HTR4: variants seen among roughly 807,000 people sequenced by gnomAD.
HTR4 encodes 5-hydroxytryptamine receptor 4, also known as 5-hydroxytryptamine (serotonin) receptor 4, G protein-coupled.
Under a neutral mutation model 36.8 loss-of-function variants are expected in HTR4, and 16 were observed. The observed-to-expected ratio is 0.43, with a 90% CI of 0.29 to 0.66. The LOEUF (loss-of-function observed/expected upper bound fraction) is 0.66, where lower values mean the gene tolerates loss of function less well. Among genes scored for constraint, HTR4 ranks in the 30% least tolerant of loss-of-function variants. The pLI, the probability that HTR4 is intolerant of heterozygous loss-of-function variation, is 0.13. For synonymous variants in HTR4, 189 were observed against 185.1 expected (o/e 1.02, Z -0.17); for missense variants, 438 against 490.9 (o/e 0.89, Z 1.02).
In HTR4 at chr5:148,483,129, G is replaced by A. The variant is rs200215537; in HGVS notation, c.*74C>T. 163 of 1,604,606 alleles carry A rather than the reference G, an allele frequency of 1.0e-4. 1 individual carries two copies. The highest frequency in any genetic ancestry group is 6.8e-4 in the African/African-American group (51 of 74,808). ...GGTGAAGAGAATACCGGGTGCAGTCGCGCACAAGCAGCAGCTTAGGACCTG... is the reference window on the plus strand; with the variant it reads ...GGTGAAGAGAATACCGGGTGCAGTCACGCACAAGCAGCAGCTTAGGACCTG... On this transcript the variant is annotated 3_prime_UTR_variant, in exon 7 of 7. Transcript: ENST00000377888.
chr5:148,569,500 T>C (rs1760588270), intron 2 of HTR4, among the ~76,000 whole-genome samples: 2 of 152,112 alleles, frequency 1.3e-5, no homozygotes, highest in South Asian at 4.1e-4. Flanking sequence ...GCATGTATCC[T>C]GGAACTTAAA....
chr5:148,537,178 C>A (rs1758865835), intron 4 of HTR4, among the ~76,000 whole-genome samples: 1 of 152,090 alleles, frequency 6.6e-6, no homozygotes, highest in South Asian at 2.1e-4. Context: ...TCAAGAAGTT[C>A]TTTGAAACTA....
downstream of HTR4, chr5:148,476,708 C>T (rs78822999): frequency 5.6e-3 from 9,036 of 1,610,388 alleles, 542 homozygotes; most frequent in East Asian, 0.14. Context: ...AAAAAATGAG[C>T]AATAAGAATT....
intron 5 of HTR4, among the ~76,000 whole-genome samples, chr5:148,467,175 T>C (rs1381679425): frequency 6.6e-6 from 1 of 152,170 alleles, no homozygotes; most frequent in Non-Finnish European, 1.5e-5. Flanking sequence ...TCACTCTTGA[T>C]CTCCCACAAT....
intron 4 of HTR4, among the ~76,000 whole-genome samples, chr5:148,529,146 A>G (rs939781803): frequency 2.0e-5 from 3 of 152,064 alleles, no homozygotes; most frequent in African/African-American, 7.2e-5. Flanking sequence ...GAGCCAGGAC[A>G]TAAACCTCCT....
intron 2 of HTR4, among the ~76,000 whole-genome samples, chr5:148,611,764 T>G (rs993284058): frequency 1.3e-5 from 2 of 151,778 alleles, no homozygotes; most frequent in African/African-American, 2.4e-5. Flanking sequence ...CCCATCAGTG[T>G]GCTGTATTCA....
At chr5:148,614,984 C>A (rs935542293) in intron 2 of HTR4, among the ~76,000 whole-genome samples, 2 of 152,048 alleles carry the variant, frequency 1.3e-5, no homozygotes, top group South Asian at 2.1e-4. Context: ...CAATGAGATA[C>A]CATCTCACAC....
chr5:148,590,040 C>A (rs1353697887), intron 2 of HTR4, among the ~76,000 whole-genome samples: 1 of 152,064 alleles, frequency 6.6e-6, no homozygotes, highest in East Asian at 1.9e-4. Context: ...CCATTTCACT[C>A]TCTGCTTCTA....
intron 5 of HTR4, among the ~76,000 whole-genome samples, chr5:148,456,204 C>T (rs1164832056): frequency 6.6e-6 from 1 of 152,120 alleles, no homozygotes; most frequent in Non-Finnish European, 1.5e-5. Context: ...ATTCCCAAGT[C>T]TGCATGATTC....
At chr5:148,561,783 T>C (rs146019295) in intron 2 of HTR4, among the ~76,000 whole-genome samples, 195 of 152,198 alleles carry the variant, frequency 1.3e-3, no homozygotes, top group African/African-American at 4.4e-3. Context: ...AGGGAAAAAA[T>C]GTGGACCACA....
At chr5:148,531,469 G>A (rs949709812) in intron 4 of HTR4, among the ~76,000 whole-genome samples, 1 of 152,150 alleles carries the variant, frequency 6.6e-6, no homozygotes, top group Non-Finnish European at 1.5e-5. Context: ...TGCCATGATT[G>A]TGAGTCCTCC....
chr5:148,547,609 T>G (rs899306046), intron 4 of HTR4, among the ~76,000 whole-genome samples: 40 of 151,262 alleles, frequency 2.6e-4, no homozygotes, highest in African/African-American at 8.7e-4. Flanking sequence ...AAAACAGTGA[T>G]TGTCTGAGCA....
chr5:148,476,513 G>A, downstream of HTR4: 1 of 1,238,096 alleles, frequency 8.1e-7, no homozygotes, highest in Non-Finnish European at 1.0e-6. Context: ...GAAGGCTGCA[G>A]CTTTTGAAGT....
At chr5:148,521,336 G>A (rs1023538074) in intron 5 of HTR4, among the ~76,000 whole-genome samples, 18 of 152,142 alleles carry the variant, frequency 1.2e-4, no homozygotes, top group Non-Finnish European at 2.1e-4. Flanking sequence ...GGAAATTTTT[G>A]GATGAGATTA....
intron 6 of HTR4, among the ~76,000 whole-genome samples, chr5:148,503,171 A>G (rs1182534619): frequency 6.6e-6 from 1 of 152,190 alleles, no homozygotes; most frequent in East Asian, 1.9e-4. Context: ...GAGAAGAGCA[A>G]CTCCAAGACA....
At chr5:148,577,545 T>C (rs1306939735) in intron 2 of HTR4, among the ~76,000 whole-genome samples, 2 of 152,116 alleles carry the variant, frequency 1.3e-5, no homozygotes, top group African/African-American at 2.4e-5. Flanking sequence ...CCATTCATAA[T>C]AGCAAAGACA....
chr5:148,578,574 G>T (rs1285528525), intron 2 of HTR4, among the ~76,000 whole-genome samples: 1 of 152,000 alleles, frequency 6.6e-6, no homozygotes, highest in Non-Finnish European at 1.5e-5. Context: ...TGGAACTTAA[G>T]CATTTTCTTT....
At chr5:148,487,347 G>C (rs138906282) in intron 6 of HTR4, among the ~76,000 whole-genome samples, 127 of 152,214 alleles carry the variant, frequency 8.3e-4, no homozygotes, top group African/African-American at 3.0e-3. Flanking sequence ...TAATGAAACA[G>C]ACTTACAATT....
chr5:148,643,422 G>T (rs1010901781), intron 1 of HTR4, among the ~76,000 whole-genome samples: 1 of 151,766 alleles, frequency 6.6e-6, no homozygotes, highest in African/African-American at 2.4e-5. Flanking sequence ...TAGAAATCAG[G>T]TTTTTTTTCC....
Sources: allele counts gnomAD v4.1 joint callset (sites outside exome capture counted in the v4.1 genomes callset), GRCh38; gene constraint gnomAD v4.1.1; transcripts MANE v1.5; gene names NCBI Gene and HGNC (gene_info 2026-07-23, HGNC 2026-07-21).